Variants in TBC1D5 observed in about 807,000 individuals in gnomAD.
The protein encoded by TBC1D5 is TBC1 domain family member 5.
Under a neutral mutation model 100.3 loss-of-function variants are expected in TBC1D5, and 75 were observed. The observed-to-expected ratio is 0.75, with a 90% CI of 0.62 to 0.91. The LOEUF is 0.91. TBC1D5 is among the 40% of genes least tolerant of loss of function. TBC1D5 has a pLI of 0.00. For missense variants in TBC1D5, 910 were observed against 942.4 expected, an observed-to-expected ratio of 0.97 and a Z score of 0.45; for synonymous variants, 323 against 325.6, an observed-to-expected ratio of 0.99 and a Z score of 0.09.
rs990952928 is a variant in TBC1D5, at chr3:17,391,587, G to C, written c.510-7572C>G. ...CAAAAAAAAAAAATACCTAAAATAT[G>C]TGGTAGAAGTGCCTATGGGACTGGA... On this transcript the variant is annotated intron_variant, in intron 8 of 21. Transcript: ENST00000253692. Among the ~76,000 whole-genome samples the C allele has an allele frequency of 1.9e-4, 29 of 151,974 alleles. 1 individual carries two copies. Among genetic ancestry groups the C allele is most frequent in the Admixed American group, 1.4e-3 (21 of 15,254 alleles).
chr3:17,183,114 C>G (rs577416860), intron 19 of TBC1D5, among the ~76,000 whole-genome samples: 2 of 152,252 alleles, frequency 1.3e-5, no homozygotes, highest in Non-Finnish European at 2.9e-5. Flanking sequence ...ACTCTCCCCC[C>G]AACTGGAGAG....
intron 19 of TBC1D5, among the ~76,000 whole-genome samples, chr3:17,169,919 C>T (rs942683666): frequency 5.9e-5 from 9 of 152,152 alleles, no homozygotes; most frequent in Non-Finnish European, 1.0e-4. Context: ...ACACAAGGAG[C>T]GCACAACCTT....
intron 15 of TBC1D5, among the ~76,000 whole-genome samples, chr3:17,273,167 T>C (rs1447320938): frequency 6.6e-6 from 1 of 152,158 alleles, no homozygotes; most frequent in Admixed American, 6.5e-5. Flanking sequence ...TTGCCACTCA[T>C]CATTTTCCAT....
intron 21 of TBC1D5, among the ~76,000 whole-genome samples, chr3:17,161,787 A>G (rs1267190771): frequency 1.3e-5 from 2 of 152,236 alleles, no homozygotes; most frequent in African/African-American, 4.8e-5. Context: ...ATTACTGGCT[A>G]GAAGGATAGC....
At chr3:17,634,626 T>TAAA (rs1000749608) in intron 1 of TBC1D5, among the ~76,000 whole-genome samples, 3 of 85,512 alleles carry the variant, frequency 3.5e-5, no homozygotes, top group African/African-American at 4.5e-5. Context: ...GCTAATAGGG[T>TAAA]AAAAAAAAAA....
intron 14 of TBC1D5, among the ~76,000 whole-genome samples, chr3:17,295,176 A>T (rs1235489757): frequency 6.6e-6 from 1 of 152,246 alleles, no homozygotes; most frequent in East Asian, 1.9e-4. Context: ...GGAAGGTAAA[A>T]GCAAAGGTAA....
intron 2 of TBC1D5, among the ~76,000 whole-genome samples, chr3:17,560,170 T>C (rs759231610): frequency 7.2e-5 from 11 of 152,062 alleles, no homozygotes; most frequent in African/African-American, 1.9e-4. Context: ...GAAAAAAATA[T>C]AGAACAAAAT....
intron 2 of TBC1D5, among the ~76,000 whole-genome samples, chr3:17,605,732 T>TTA (rs2153604232): frequency 6.6e-6 from 1 of 152,278 alleles, no homozygotes; most frequent in East Asian, 1.9e-4. Context: ...CACATATATA[T>TTA]TAACATGCTC....
chr3:17,355,622 T>C (rs537362437), intron 13 of TBC1D5, among the ~76,000 whole-genome samples: 1 of 150,864 alleles, frequency 6.6e-6, no homozygotes, highest in Non-Finnish European at 1.5e-5. Flanking sequence ...ATAAAATATA[T>C]AGAATGTGTG....
chr3:17,285,418 G>T (rs1307129044), intron 15 of TBC1D5, among the ~76,000 whole-genome samples: 1 of 150,828 alleles, frequency 6.6e-6, no homozygotes, highest in Admixed American at 6.6e-5. Flanking sequence ...CCGCTACCAC[G>T]CCCGGCTAAT....
chr3:17,728,135 C>T (rs1390160930), intron 1 of TBC1D5, among the ~76,000 whole-genome samples: 3 of 152,158 alleles, frequency 2.0e-5, no homozygotes, highest in East Asian at 1.9e-4. Context: ...AGCACACACA[C>T]GCATACCCAC....
chr3:17,220,570 G>T (rs1403460995), intron 17 of TBC1D5, among the ~76,000 whole-genome samples: 2 of 151,928 alleles, frequency 1.3e-5, no homozygotes, highest in Non-Finnish European at 2.9e-5. Context: ...TATTTTTAGG[G>T]TCCTGCTTAG....
rs539801109 is a variant in TBC1D5 at position 17,665,377 on chromosome 3, T to C, written c.-100-41464A>G. Among the ~76,000 whole-genome samples the C allele has an allele frequency of 1.3e-4, 20 of 152,332 alleles. No individual in the cohort carries two copies. In the South Asian group the frequency reaches 4.1e-3, roughly 32 times the overall value. On this transcript the variant is annotated intron_variant, in intron 1 of 21. Transcript: ENST00000253692. ...TAAAAGTTTGCAAACTGAAAGTTGATAAAAATTACTGCAAATCTCTTTAAC... is the reference window on the plus strand; with the variant it reads ...TAAAAGTTTGCAAACTGAAAGTTGACAAAAATTACTGCAAATCTCTTTAAC...
At chr3:17,339,882 A>T (rs1022167022) in intron 13 of TBC1D5, among the ~76,000 whole-genome samples, 1 of 152,244 alleles carries the variant, frequency 6.6e-6, no homozygotes, top group Non-Finnish European at 1.5e-5. Flanking sequence ...GTAGAAGATT[A>T]AAAAGCTCAA....
At chr3:17,387,079 A>T (rs1030241395) in intron 8 of TBC1D5, among the ~76,000 whole-genome samples, 1 of 152,162 alleles carries the variant, frequency 6.6e-6, no homozygotes, top group African/African-American at 2.4e-5. Flanking sequence ...TTTGTTAGAA[A>T]ACTATAACTT....
At chr3:17,551,244 C>T (rs532384082) in intron 2 of TBC1D5, among the ~76,000 whole-genome samples, 2 of 152,190 alleles carry the variant, frequency 1.3e-5, no homozygotes, top group South Asian at 4.1e-4. Context: ...CGACCATCTG[C>T]TTGTTAGCTG....
chr3:17,360,458 C>T (rs1237322165), intron 13 of TBC1D5, among the ~76,000 whole-genome samples: 2 of 151,848 alleles, frequency 1.3e-5, no homozygotes, highest in Non-Finnish European at 2.9e-5. Context: ...ATATTTACTA[C>T]CTTTTTATAT....
chr3:17,201,247 G>A (rs2071425199), intron 18 of TBC1D5, among the ~76,000 whole-genome samples: 1 of 151,682 alleles, frequency 6.6e-6, no homozygotes, highest in African/African-American at 2.4e-5. Flanking sequence ...TTTGGAGAGT[G>A]AAAAAAAACA....
At chr3:17,321,580 T>C (rs1372971505) in intron 13 of TBC1D5, among the ~76,000 whole-genome samples, 1 of 152,210 alleles carries the variant, frequency 6.6e-6, no homozygotes. Flanking sequence ...CTTAAGAGTA[T>C]AAAGCTGAGA....
Sources: allele counts gnomAD v4.1 joint callset (sites outside exome capture counted in the v4.1 genomes callset), GRCh38; gene constraint gnomAD v4.1.1; transcripts MANE v1.5; gene names NCBI Gene and HGNC (gene_info 2026-07-23, HGNC 2026-07-21).